KCNMB2: variants seen among roughly 807,000 people sequenced by gnomAD.
The protein encoded by KCNMB2 is calcium-activated potassium channel subunit beta-2.
In KCNMB2, 9 loss-of-function variants were observed where a neutral mutation model predicts 24.5. The observed-to-expected ratio is 0.37, with a 90% CI of 0.22 to 0.64. The LOEUF (loss-of-function observed/expected upper bound fraction) is 0.64, where lower values mean the gene tolerates loss of function less well. Among genes scored for constraint, KCNMB2 ranks in the 30% least tolerant of loss-of-function variants. KCNMB2 has a pLI of 0.63. For synonymous variants in KCNMB2, 109 were observed against 104.4 expected, an observed-to-expected ratio of 1.04 and a Z score of -0.27; for missense variants, 226 against 284.3, an observed-to-expected ratio of 0.79 and a Z score of 1.47.
At chr3:178,793,427 C>A (rs1713401564) in intron 1 of KCNMB2, among the ~76,000 whole-genome samples, 1 of 151,750 alleles carries the variant, frequency 6.6e-6, no homozygotes, top group Admixed American at 6.6e-5. Flanking sequence ...GATAAAGTTT[C>A]TCTAACCAAG....
At chr3:178,631,300 A>C (rs1454359545) in intron 1 of KCNMB2, among the ~76,000 whole-genome samples, 1 of 152,222 alleles carries the variant, frequency 6.6e-6, no homozygotes, top group Non-Finnish European at 1.5e-5. Context: ...TGGCATTCTC[A>C]GTGGTGCTTG....
intron 1 of KCNMB2, among the ~76,000 whole-genome samples, chr3:178,621,675 G>T (rs927339352): frequency 6.6e-6 from 1 of 151,868 alleles, no homozygotes; most frequent in African/African-American, 2.4e-5. Flanking sequence ...CTATGCATTT[G>T]TGAGATAAAT....
rs71810920 is a variant in KCNMB2 at position 178,568,831 on chromosome 3, TGATAGATAGATA to T, written c.-68+32132_-68+32143del. ...GATAGATAGATAATAGATAGATAGATGATAGATAGATAGATAGATAGATGATAGATAGATAGA... is the reference window on the plus strand; with the variant it reads ...GATAGATAGATAATAGATAGATAGATGATAGATAGATGATAGATAGATAGA... On this transcript the variant is annotated intron_variant, in intron 1 of 4. Coordinates refer to ENST00000452583, the MANE Select transcript of KCNMB2 (RefSeq NM_181361.3). 1.5e-4 allele frequency among the ~76,000 whole-genome samples: 18 copies of T among 116,256 alleles called. No homozygotes were observed. In the South Asian group the frequency reaches 1.8e-3, roughly 12 times the overall value. 76.3% of individuals were successfully genotyped at this position (116,256 alleles called of 152,430 possible). A position where few individuals can be genotyped will look rare whatever the true frequency, so the allele number is the denominator to read the frequency against.
Position 178,662,077 on chromosome 3 carries a change from A to C in KCNMB2, c.-68+125366A>C, listed in dbSNP as rs1720552683. ...TGGTATGACTAAGGCCACACAGAATATTCCATAGGTACTAACTCTAGATGT... is the reference window on the plus strand; with the variant it reads ...TGGTATGACTAAGGCCACACAGAATCTTCCATAGGTACTAACTCTAGATGT... On this transcript the variant is annotated intron_variant, in intron 1 of 4. Coordinates refer to ENST00000452583, the MANE Select transcript of KCNMB2 (RefSeq NM_181361.3). 3.9e-5 allele frequency among the ~76,000 whole-genome samples: 6 copies of C among 152,216 alleles called. No individual in the cohort carries two copies. In the South Asian group the frequency reaches 1.2e-3, roughly 32 times the overall value.
At chr3:178,825,180 C>T (rs527692190) in intron 2 of KCNMB2, among the ~76,000 whole-genome samples, 1 of 152,280 alleles carries the variant, frequency 6.6e-6, no homozygotes, top group East Asian at 1.9e-4. Context: ...TGAATCAATG[C>T]TCCATTAGGT....
chr3:178,714,173 ACT>A (rs1722544009), intron 1 of KCNMB2, among the ~76,000 whole-genome samples: 2 of 151,846 alleles, frequency 1.3e-5, no homozygotes, highest in Non-Finnish European at 2.9e-5. Flanking sequence ...TACCAGACAC[ACT>A]CTTTCTTCTT....
chr3:178,655,089 GCTCTCCCTCT>G (rs1234339966), intron 1 of KCNMB2, among the ~76,000 whole-genome samples: 36 of 77,952 alleles, frequency 4.6e-4, no homozygotes, highest in East Asian at 1.6e-3. Context: ...GTAAATATTA[GCTCTCCCTCT>G]CTCTCTCTCT....
chr3:178,567,103 C>G (rs6443546), intron 1 of KCNMB2, among the ~76,000 whole-genome samples: 34,806 of 152,072 alleles, frequency 0.23, 6,232 homozygotes, highest in African/African-American at 0.51. Context: ...CTTTGCATAT[C>G]ACCATTCTAG....
At chr3:178,834,446 C>T (rs1055629165) in intron 4 of KCNMB2, among the ~76,000 whole-genome samples, 6 of 152,086 alleles carry the variant, frequency 3.9e-5, no homozygotes, top group Non-Finnish European at 8.8e-5. Flanking sequence ...ATTATTTATC[C>T]TTCTGATAGA....
chr3:178,633,955 G>A (rs1719421945), intron 1 of KCNMB2, among the ~76,000 whole-genome samples: 1 of 152,186 alleles, frequency 6.6e-6, no homozygotes, highest in Non-Finnish European at 1.5e-5. Flanking sequence ...AATGCCGCTA[G>A]TCTCTTTGCA....
chr3:178,827,444 G>A (rs1427061720), intron 3 of KCNMB2, among the ~76,000 whole-genome samples: 1 of 152,126 alleles, frequency 6.6e-6, no homozygotes, highest in Non-Finnish European at 1.5e-5. Context: ...CTGCCCATAT[G>A]TCCTTGCATA....
intron 1 of KCNMB2, among the ~76,000 whole-genome samples, chr3:178,704,409 G>A (rs1479634749): frequency 1.3e-5 from 2 of 152,076 alleles, no homozygotes; most frequent in African/African-American, 4.8e-5. Context: ...GTCTAGATAT[G>A]GTAGTCATTA....
chr3:178,810,902 C>CTTTTT (rs56925343), intron 2 of KCNMB2, among the ~76,000 whole-genome samples: 30 of 107,982 alleles, frequency 2.8e-4, no homozygotes, highest in South Asian at 6.5e-4. Context: ...ACCTGGCTAA[C>CTTTTT]TTTTTTTTTT....
intron 1 of KCNMB2, among the ~76,000 whole-genome samples, chr3:178,623,559 C>T (rs1454723054): frequency 6.6e-6 from 1 of 152,120 alleles, no homozygotes; most frequent in African/African-American, 2.4e-5. Flanking sequence ...TTCAGTGAAT[C>T]AGTGACAGGT....
intron 1 of KCNMB2, among the ~76,000 whole-genome samples, chr3:178,561,174 A>G (rs1455843871): frequency 2.0e-5 from 3 of 152,222 alleles, no homozygotes; most frequent in African/African-American, 7.2e-5. Context: ...GCTCCATAAA[A>G]TTTTAGTCAT....
intron 1 of KCNMB2, among the ~76,000 whole-genome samples, chr3:178,566,965 T>C: frequency 6.6e-6 from 1 of 152,202 alleles, no homozygotes; most frequent in South Asian, 2.1e-4. Flanking sequence ...TTTGTAGCTG[T>C]AGGTACTGAG....
chr3:178,565,117 T>C (rs1385648669), intron 1 of KCNMB2, among the ~76,000 whole-genome samples: 1 of 152,190 alleles, frequency 6.6e-6, no homozygotes, highest in Non-Finnish European at 1.5e-5. Flanking sequence ...TCTGTATGGA[T>C]ATAGTGAACG....
intron 1 of KCNMB2, among the ~76,000 whole-genome samples, chr3:178,702,468 A>T (rs1365959319): frequency 6.6e-6 from 1 of 151,480 alleles, no homozygotes; most frequent in Non-Finnish European, 1.5e-5. Context: ...AGAAATACAT[A>T]AAAATAAATA....
chr3:178,580,839 T>A (rs1717171887), intron 1 of KCNMB2, among the ~76,000 whole-genome samples: 1 of 152,118 alleles, frequency 6.6e-6, no homozygotes, highest in South Asian at 2.1e-4. Flanking sequence ...CAAGGACAAC[T>A]ACAAAGCACT....
Sources: allele counts gnomAD v4.1 joint callset (sites outside exome capture counted in the v4.1 genomes callset), GRCh38; gene constraint gnomAD v4.1.1; transcripts MANE v1.5; gene names NCBI Gene and HGNC (gene_info 2026-07-23, HGNC 2026-07-21).